DNAH14: variants seen among roughly 807,000 people sequenced by gnomAD.
DNAH14 encodes axonemal beta dynein heavy chain 14.
A neutral mutation model predicts 520.9 loss-of-function variants in DNAH14; 478 were observed. That is an observed-to-expected ratio of 0.92 (90% CI 0.85 to 0.99). DNAH14 has a LOEUF of 0.99. DNAH14 is among the 50% of genes least tolerant of loss of function. The pLI, the probability that DNAH14 is intolerant of heterozygous loss-of-function variation, is 0.00. For synonymous variants in DNAH14, 1,581 were observed against 1,757.2 expected (o/e 0.90, Z 2.51); for missense variants, 4,831 against 5,234.5 (o/e 0.92, Z 2.38).
intron 66 of DNAH14, among the ~76,000 whole-genome samples, chr1:225,335,002 G>A (rs1290947524): frequency 1.4e-5 from 2 of 147,876 alleles, no homozygotes; most frequent in Admixed American, 6.8e-5. Flanking sequence ...CTATATATAC[G>A]CATATATACT....
Position 225,331,544 on chromosome 1 carries a change from G to A in DNAH14, c.9831G>A (p.Ala3277=), listed in dbSNP as rs780242218. Residue 3277 remains alanine, a synonymous_variant, in exon 65 of 86, where the codon GCG becomes GCA. Coordinates refer to ENST00000682510, the MANE Select transcript of DNAH14 (RefSeq NM_001367479.1). ...KTMASRRFQC[A]SVLLTVLEDE... ...TGGCCAGCAGGCGCTTTCAGTGTGC[G>A]TCAGTCTTACTAACTGTCCTGGAAG... The A allele has an allele frequency of 6.6e-5, 102 of 1,551,318 alleles. 1 individual carries two copies. The South Asian group carries it at 9.5e-4, about 14-fold the overall frequency.
At chr1:224,988,124 A>G (rs987334615) in intron 8 of DNAH14, among the ~76,000 whole-genome samples, 9 of 151,294 alleles carry the variant, frequency 5.9e-5, no homozygotes, top group Admixed American at 2.0e-4. Context: ...TCATTGTTCA[A>G]CTCCCACTTA....
At chr1:225,392,015 G>A (rs1020488955) in intron 83 of DNAH14, among the ~76,000 whole-genome samples, 1 of 152,074 alleles carries the variant, frequency 6.6e-6, no homozygotes, top group Admixed American at 6.5e-5. Context: ...TCTCAGAATT[G>A]ACAGCCCCTC....
chr1:225,260,612 T>C (rs2092902538), intron 46 of DNAH14, among the ~76,000 whole-genome samples: 1 of 152,104 alleles, frequency 6.6e-6, no homozygotes, highest in Non-Finnish European at 1.5e-5. Context: ...AAGCTTTTTT[T>C]TTTCCCCCCC....
intron 10 of DNAH14, among the ~76,000 whole-genome samples, chr1:225,015,576 T>G (rs961143493): frequency 6.6e-6 from 1 of 152,198 alleles, no homozygotes; most frequent in Admixed American, 6.5e-5. Flanking sequence ...GGTGACGAAC[T>G]TATTCTGTTT....
chr1:225,006,550 G>GGTAA (rs1553374612), intron 9 of DNAH14, among the ~76,000 whole-genome samples: 1 of 151,738 alleles, frequency 6.6e-6, no homozygotes, highest in Non-Finnish European at 1.5e-5. Flanking sequence ...TGGGGTTGAA[G>GGTAA]ATAAGGGATG....
At chr1:225,256,863 T>C (rs979530576) in intron 44 of DNAH14, among the ~76,000 whole-genome samples, 20 of 151,900 alleles carry the variant, frequency 1.3e-4, no homozygotes, top group Non-Finnish European at 5.9e-5. Context: ...AAAGGGACTT[T>C]ACAAATCAAA....
intron 66 of DNAH14, among the ~76,000 whole-genome samples, chr1:225,336,000 TATATGTATAC>T (rs2095033990): frequency 1.2e-5 from 1 of 85,492 alleles, no homozygotes; most frequent in East Asian, 4.8e-4. Flanking sequence ...CACATATGCA[TATATGTATAC>T]GCATATATGC....
At chr1:225,364,751 A>G (rs1396678301) in intron 75 of DNAH14, 41 bp from the exon 76 acceptor site, 2 of 1,406,240 alleles carry the variant, frequency 1.4e-6, no homozygotes, top group Non-Finnish European at 1.9e-6. Flanking sequence ...GTTGGTTTAC[A>G]TTTTTCACAT....
At chr1:225,280,748 A>T (rs561076643) in intron 54 of DNAH14, among the ~76,000 whole-genome samples, 1 of 152,210 alleles carries the variant, frequency 6.6e-6, no homozygotes, top group Non-Finnish European at 1.5e-5. Context: ...GCAGCAAGAG[A>T]AAAACAACTT....
intron 60 of DNAH14, among the ~76,000 whole-genome samples, chr1:225,311,002 A>G (rs534732824): frequency 6.6e-6 from 1 of 152,290 alleles, no homozygotes; most frequent in Admixed American, 6.5e-5. Flanking sequence ...TTCTGGTTCT[A>G]GATCCTTAAG....
In DNAH14 at chr1:225,074,132, T is replaced by G. The variant is rs1200586446; in HGVS notation, c.2425-5075T>G. On this transcript the variant is annotated intron_variant, in intron 17 of 85. Coordinates refer to ENST00000682510, the MANE Select transcript of DNAH14 (RefSeq NM_001367479.1). ...CTCCTGCCTCAGCCTCCCAAGTAGC[T>G]GGGACTACAGGCGCCCGCCACTACG... is the stretch of plus-strand genomic sequence containing the variant. Among the ~76,000 whole-genome samples the G allele has an allele frequency of 4.0e-5, 6 of 149,844 alleles. No homozygotes were observed. In the Admixed American group the frequency reaches 4.0e-4, roughly 10 times the overall value.
At chr1:225,323,663 A>G (rs192074728) in intron 62 of DNAH14, among the ~76,000 whole-genome samples, 78 of 151,982 alleles carry the variant, frequency 5.1e-4, no homozygotes, top group Middle Eastern at 6.8e-3. Context: ...TGGTTTCACC[A>G]TGTTGGTCAG....
chr1:224,977,482 TATA>T (rs988983638), intron 8 of DNAH14, among the ~76,000 whole-genome samples: 1 of 151,906 alleles, frequency 6.6e-6, no homozygotes, highest in Non-Finnish European at 1.5e-5. Context: ...AAACTTAAAG[TATA>T]ATAATAATAA....
intron 11 of DNAH14, among the ~76,000 whole-genome samples, chr1:225,035,153 T>G (rs1049473707): frequency 6.6e-6 from 1 of 152,112 alleles, no homozygotes; most frequent in Non-Finnish European, 1.5e-5. Context: ...AGGTTGTATG[T>G]GTCTAGCAAT....
chr1:225,028,152 A>C (rs2148075021), intron 11 of DNAH14, among the ~76,000 whole-genome samples: 1 of 152,222 alleles, frequency 6.6e-6, no homozygotes, highest in South Asian at 2.1e-4. Context: ...CATAGAATGA[A>C]TTGGGTAGCA....
chr1:225,335,840 TAC>T (rs1225951961), intron 66 of DNAH14, among the ~76,000 whole-genome samples: 3 of 69,778 alleles, frequency 4.3e-5, no homozygotes, highest in Non-Finnish European at 8.9e-5. Flanking sequence ...TACATATATG[TAC>T]ATACACATAT....
At chr1:225,321,849 C>A (rs2094560212) in intron 61 of DNAH14, among the ~76,000 whole-genome samples, 1 of 152,010 alleles carries the variant, frequency 6.6e-6, no homozygotes, top group Non-Finnish European at 1.5e-5. Context: ...TCTGTTTTAT[C>A]TGTGATTTTT....
intron 20 of DNAH14, among the ~76,000 whole-genome samples, chr1:225,084,618 A>C (rs967656812): frequency 2.0e-5 from 3 of 151,934 alleles, no homozygotes; most frequent in Non-Finnish European, 4.4e-5. Context: ...GATGAACACT[A>C]TCATTTTATG....
Sources: allele counts gnomAD v4.1 joint callset (sites outside exome capture counted in the v4.1 genomes callset), GRCh38; gene constraint gnomAD v4.1.1; transcripts MANE v1.5; gene names NCBI Gene and HGNC (gene_info 2026-07-23, HGNC 2026-07-21).